DNAJB2: variants seen among roughly 807,000 people sequenced by gnomAD.
DNAJB2 encodes DnaJ heat shock protein family (Hsp40) member B2, also known as dnaJ homolog subfamily B member 2.
In DNAJB2, 19 loss-of-function variants were observed where a neutral mutation model predicts 33.3. The observed-to-expected ratio is 0.57, with a 90% CI of 0.40 to 0.84. The LOEUF (loss-of-function observed/expected upper bound fraction) is 0.84, where lower values mean the gene tolerates loss of function less well. DNAJB2 is among the 40% of genes least tolerant of loss of function. DNAJB2 has a pLI of 0.00. For synonymous variants in DNAJB2, 172 were observed against 164.6 expected, an observed-to-expected ratio of 1.04 and a Z score of -0.34; for missense variants, 368 against 430.9, an observed-to-expected ratio of 0.85 and a Z score of 1.29.
intron 3 of DNAJB2, 198 bp from the exon 4 acceptor site, chr2:219,281,520 A>G (rs1951903774): frequency 1.6e-6 from 1 of 623,814 alleles, no homozygotes; most frequent in South Asian, 2.0e-5. Flanking sequence ...GCCATTTTCC[A>G]GATGAGAAGA....
At chr2:219,284,511 T>C in intron 8 of DNAJB2, 121 bp from the exon 9 acceptor site, 10 of 1,286,122 alleles carry the variant, frequency 7.8e-6, no homozygotes, top group Non-Finnish European at 1.1e-5. Flanking sequence ...GGTGCCAAAA[T>C]GCATGTGTGC....
At chr2:219,281,370 G>A (rs1951902558) in intron 3 of DNAJB2, 1 of 271,634 alleles carries the variant, frequency 3.7e-6, no homozygotes, top group South Asian at 6.1e-5. Context: ...TTTAGGCTAA[G>A]CCCTGGTGAA....
In DNAJB2 at chr2:219,282,890, C is replaced by G. The variant is rs1951918459; in HGVS notation, c.406C>G (p.Pro136Ala). Residue 136 changes from proline to alanine, a missense_variant, in exon 6 of 9, where the codon CCC (proline) becomes GCC (alanine). Coordinates refer to ENST00000336576, the MANE Select transcript of DNAJB2 (RefSeq NM_006736.6). ...GAACCGGGGTTCCCGACACTCAGGC[C>G]CCTTCTTTACCTTCTCTTCCTCCTT... ...LQNRGSRHSG[P>A]FFTFSSSFPG... 1.1e-5 allele frequency: 18 copies of G among 1,606,648 alleles called. No individual in the cohort carries two copies. The highest frequency in any genetic ancestry group is 1.3e-5 in the Non-Finnish European group (15 of 1,177,534).
At chr2:219,280,016 G>A (rs1210059145) in intron 2 of DNAJB2, 118 bp downstream of exon 2, 1 of 1,152,928 alleles carries the variant, frequency 8.7e-7, no homozygotes, top group Non-Finnish European at 1.3e-6. Context: ...AAGCACTGGG[G>A]TGCTTCTTCC....
At chr2:219,283,382 TCA>T (rs750259439) in intron 7 of DNAJB2, 35 bp from the exon 8 acceptor site, 1 of 1,611,562 alleles carries the variant, frequency 6.2e-7, no homozygotes, top group South Asian at 1.1e-5. Context: ...CAGGATTCTG[TCA>T]CTGCTCGTTG....
At chr2:219,283,546 C>T in intron 8 of DNAJB2, 57 bp downstream of exon 8, 5 of 1,537,982 alleles carry the variant, frequency 3.3e-6, no homozygotes, top group Non-Finnish European at 4.4e-6. Context: ...CCAACCTCAG[C>T]AGCCTCCTCC....
chr2:219,284,683 A>C lies in DNAJB2; in HGVS notation c.671A>C (p.Gln224Pro), dbSNP rs773100646. ...LGLELSRREQ[Q>P]PSVTSRSGGT... The stretch of plus-strand genomic sequence containing the variant: ...TTGGAGCTGAGCCGTCGCGAGCAGC[A>C]GCCGTCAGTCACTTCCAGGTCTGGG... Residue 224 changes from glutamine to proline, a missense_variant, in exon 9 of 9, where the codon CAG (glutamine) becomes CCG (proline). Gln to Pro is a moderately conservative substitution (Grantham distance 76). Transcript: ENST00000336576. 2 of 1,609,408 alleles carry C rather than the reference A, an allele frequency of 1.2e-6. No individual in the cohort carries two copies. Among genetic ancestry groups the C allele is most frequent in the South Asian group, 1.1e-5 (1 of 90,946 alleles).
intron 6 of DNAJB2, 85 bp from the exon 7 acceptor site, chr2:219,283,048 G>A (rs2125082881): frequency 6.3e-7 from 1 of 1,588,894 alleles, no homozygotes; most frequent in Non-Finnish European, 8.6e-7. Flanking sequence ...AGCCCTGCGA[G>A]GCGGCCTGGA....
chr2:219,283,045 C>G, intron 6 of DNAJB2, 88 bp from the exon 7 acceptor site: 1 of 1,579,232 alleles, frequency 6.3e-7, no homozygotes, highest in East Asian at 2.2e-5. Context: ...AGCAGCCCTG[C>G]GAGGCGGCCT....
intron 5 of DNAJB2, chr2:219,282,289 A>C: frequency 1.7e-6 from 1 of 600,102 alleles, no homozygotes; most frequent in Non-Finnish European, 2.9e-6. Context: ...AATTACAACA[A>C]TAATACATTG....
chr2:219,285,672 G>T lies in DNAJB2; in HGVS notation c.*685G>T. 8.5e-7 allele frequency: 1 copy of T among 1,176,460 alleles called. No individual in the cohort carries two copies. The allele number at this position is 1,176,460 out of a possible 1,614,324, so 72.9% of individuals were successfully genotyped here. A position where few individuals can be genotyped will look rare whatever the true frequency, so the allele number is the denominator to read the frequency against. ...GCTGTGAGATCTTCTGGGGAGGCTA[G>T]CCGGGTGGGGCGGGAGCCTCTCAGC... On this transcript the variant is annotated 3_prime_UTR_variant, in exon 9 of 9. Transcript: ENST00000336576.
chr2:219,286,259 G>A lies in DNAJB2; in HGVS notation c.*1272G>A, dbSNP rs114786890. ...GCCTCATTTCTGATAGATCCCGCTT[G>A]GGGGAGGTGGTGTATGGTTACGGAG... On this transcript the variant is annotated 3_prime_UTR_variant, in exon 9 of 9. Transcript: ENST00000336576. The A allele has an allele frequency of 5.7e-5, 28 of 494,724 alleles. No individual in the cohort carries two copies. In the South Asian group the frequency reaches 8.8e-4, roughly 15 times the overall value. 30.6% of individuals were successfully genotyped at this position (494,724 alleles called of 1,614,324 possible).
chr2:219,283,020 G>A (rs550057743), intron 6 of DNAJB2, 91 bp downstream of exon 6: 1 of 1,575,390 alleles, frequency 6.3e-7, no homozygotes, highest in Non-Finnish European at 8.7e-7. Context: ...CTCCTGTGTT[G>A]GGAGCCCTGC....
rs1951946129 is a variant in DNAJB2 at position 219,285,401 on chromosome 2, A to G, written c.*414A>G. The stretch of plus-strand genomic sequence containing the variant: ...CGGCAGCTCCACTGGAGAGCAGTGC[A>G]GGCAGAGTGGAGCCTCCTGCTCTCC... On this transcript the variant is annotated 3_prime_UTR_variant, in exon 9 of 9. Coordinates refer to ENST00000336576, the MANE Select transcript of DNAJB2 (RefSeq NM_006736.6). 9.9e-7 allele frequency: 1 copy of G among 1,011,100 alleles called. No homozygotes were observed. Among genetic ancestry groups the G allele is most frequent in the Non-Finnish European group, 1.2e-6 (1 of 846,448 alleles). The allele number at this position is 1,011,100 out of a possible 1,614,324, so 62.6% of individuals were successfully genotyped here.
At position 219,284,729 on chromosome 2, in the gene DNAJB2, C is replaced by G; in HGVS notation, c.717C>G (p.Thr239=). 6.2e-7 allele frequency: 1 copy of G among 1,613,484 alleles called. No individual in the cohort carries two copies. The highest frequency in any genetic ancestry group is 8.5e-7 in the Non-Finnish European group (1 of 1,179,946). ...CTGGGGGCACTCAGGTCCAGCAGAC[C>G]CCTGCCTCATGCCCCTTGGACAGCG... ...SRSGGTQVQQ[T]PASCPLDSDL... is the part of the protein sequence containing the mutation. Residue 239 remains threonine, a synonymous_variant, in exon 9 of 9, where the codon ACC becomes ACG. Transcript: ENST00000336576.
chr2:219,280,255 G>C (rs1951892222), intron 2 of DNAJB2: 1 of 519,576 alleles, frequency 1.9e-6, no homozygotes, highest in South Asian at 2.4e-5. Flanking sequence ...GGCTCTATGA[G>C]GAGGAGGGGC....
chr2:219,284,093 C>G (rs1951931217), intron 8 of DNAJB2, among the ~76,000 whole-genome samples: 1 of 152,140 alleles, frequency 6.6e-6, no homozygotes, highest in South Asian at 2.1e-4. Context: ...TCATCATTCC[C>G]ATTTTCTTTT....
rs1053082046 is a variant in DNAJB2, at chr2:219,286,222, G to A, written c.*1235G>A. The A allele has an allele frequency of 1.8e-6, 1 of 554,032 alleles. No individual in the cohort carries two copies. Among genetic ancestry groups the A allele is most frequent in the Non-Finnish European group, 3.1e-6 (1 of 317,938 alleles). The allele number at this position is 554,032 out of a possible 1,614,324, so 34.3% of individuals were successfully genotyped here. On this transcript the variant is annotated 3_prime_UTR_variant, in exon 9 of 9. Transcript: ENST00000336576. ...TCCTGGGGACTACAAATCCCAGAGT[G>A]CGGTGTGCCCGGCCTCATTTCTGAT...
At chr2:219,280,892 G>A (rs1263710831) in intron 3 of DNAJB2, 10 of 574,172 alleles carry the variant, frequency 1.7e-5, no homozygotes, top group Non-Finnish European at 2.8e-5. Context: ...CCTGAAAGGG[G>A]AAGGAAGCAG....
Sources: gnomAD v4.1 joint callset for allele counts (sites outside exome capture counted in the v4.1 genomes callset) on GRCh38, gnomAD v4.1.1 for gene constraint, MANE v1.5 for transcripts, NCBI Gene and HGNC (gene_info 2026-07-23, HGNC 2026-07-21) for gene names.